The following CRYBG1 variants were observed in gnomAD, a reference collection of about 807,000 sequenced individuals.
The protein encoded by CRYBG1 is beta/gamma crystallin domain-containing protein 1.
CRYBG1 carries 139 observed loss-of-function variants against 189.2 expected under a neutral mutation model. The ratio of observed to expected loss-of-function variants is 0.73; its 90% confidence interval spans 0.64 to 0.85. CRYBG1 has a LOEUF of 0.85. Among genes scored for constraint, CRYBG1 ranks in the 40% least tolerant of loss-of-function variants. CRYBG1 has a pLI of 0.00. For synonymous variants in CRYBG1, 1,023 were observed against 1,017.1 expected (o/e 1.01, Z -0.11); for missense variants, 2,611 against 2,675.8 (o/e 0.98, Z 0.53).
intron 11 of CRYBG1, among the ~76,000 whole-genome samples, chr6:106,544,217 CT>C (rs1774205547): frequency 6.6e-6 from 1 of 152,164 alleles, no homozygotes; most frequent in Non-Finnish European, 1.5e-5. Flanking sequence ...ACTAAAGTTG[CT>C]CTTGTAAATC....
In CRYBG1 at chr6:106,543,481, G is replaced by A; in HGVS notation, c.4923G>A (p.Val1641=). Residue 1641 remains valine (V), a synonymous_variant, in exon 11 of 22, where the codon GTG becomes GTA. Coordinates refer to ENST00000633556, the MANE Select transcript of CRYBG1 (RefSeq NM_001371242.2). The part of the protein sequence containing the change: ...YEKPFFEGKC[V]ELETGMCSFV... ...AGCCTTTCTTTGAAGGAAAATGTGT[G>A]GAACTAGAAACAGGAATGTGTAGTT... 1.2e-6 allele frequency: 2 copies of A among 1,613,926 alleles called. No homozygotes were observed. Among genetic ancestry groups the A allele is most frequent in the East Asian group, 2.2e-5 (1 of 44,882 alleles).
chr6:106,485,786 T>A (rs1293803006), intron 2 of CRYBG1, among the ~76,000 whole-genome samples: 1 of 152,268 alleles, frequency 6.6e-6, no homozygotes, highest in African/African-American at 2.4e-5. Flanking sequence ...GATTTGTGTA[T>A]GTTGAACTAT....
intron 2 of CRYBG1, among the ~76,000 whole-genome samples, chr6:106,485,615 G>A (rs926741658): frequency 2.0e-5 from 3 of 152,090 alleles, no homozygotes; most frequent in African/African-American, 7.2e-5. Flanking sequence ...GTCAACTGTG[G>A]GTTTGTAATA....
At chr6:106,510,096 C>T (rs1773214943) in intron 2 of CRYBG1, among the ~76,000 whole-genome samples, 1 of 152,218 alleles carries the variant, frequency 6.6e-6, no homozygotes, top group South Asian at 2.1e-4. Context: ...GTTCCTTTTC[C>T]AGGAAAGGTG....
chr6:106,505,267 T>G lies in CRYBG1; in HGVS notation c.313-6163T>G, dbSNP rs188202610. ...GTGCCACCACACCCGGCTAATTTTTTGTATTTTTAGTAGAGACGGGGTTTC... is the reference window on the plus strand; with the variant it reads ...GTGCCACCACACCCGGCTAATTTTTGGTATTTTTAGTAGAGACGGGGTTTC... On this transcript the variant is annotated intron_variant, in intron 2 of 21. Coordinates refer to ENST00000633556, the MANE Select transcript of CRYBG1 (RefSeq NM_001371242.2). Among the ~76,000 whole-genome samples, 167 of 152,294 alleles carry G rather than the reference T, an allele frequency of 1.1e-3. 2 individuals carry two copies. The East Asian group carries it at 0.011, about 10-fold the overall frequency.
rs532469143 is a variant in CRYBG1, at chr6:106,510,258, G to C, written c.313-1172G>C. Among the ~76,000 whole-genome samples, 4 of 152,308 alleles carry C rather than the reference G, an allele frequency of 2.6e-5. No homozygotes were observed. In the East Asian group the frequency reaches 5.8e-4, roughly 22 times the overall value. ...CTTCCCTCTCCTAGGAGCCAGGCTG[G>C]GCTCGCCGCCCCTGCTCCCCCGCTT... On this transcript the variant is annotated intron_variant, in intron 2 of 21. Coordinates refer to ENST00000633556, the MANE Select transcript of CRYBG1 (RefSeq NM_001371242.2).
intron 1 of CRYBG1, among the ~76,000 whole-genome samples, chr6:106,422,344 A>ATTTATTTATTTATTTTTTTTTTTTTTTT (rs57640822): frequency 6.4e-5 from 9 of 139,928 alleles, no homozygotes; most frequent in African/African-American, 1.3e-4. Context: ...TTATTTATTT[A>ATTTATTTATTTATTTTTTTTTTTTTTTT]TTTTTGAGAC....
At position 106,558,545 on chromosome 6, in the gene CRYBG1, T is replaced by G; in HGVS notation, c.5775T>G (p.Ile1925Met). ...FEREDFKGKK[I>M]ELNAETVNLR... ...GAGAAGACTTCAAAGGAAAAAAGAT[T>G]GAACTTAATGCAGAAACTGTCAATC... Residue 1925 changes from isoleucine (I) to methionine (M), a missense_variant, in exon 18 of 22, where the codon ATT becomes ATG. Coordinates refer to ENST00000633556, the MANE Select transcript of CRYBG1 (RefSeq NM_001371242.2). 3.7e-6 allele frequency: 6 copies of G among 1,612,286 alleles called. No individual in the cohort carries two copies. Among genetic ancestry groups the G allele is most frequent in the Non-Finnish European group, 5.1e-6 (6 of 1,178,538 alleles).
chr6:106,525,436 A>G (rs1465438688), intron 6 of CRYBG1, 50 bp downstream of exon 6: 1 of 1,438,696 alleles, frequency 7.0e-7, no homozygotes, highest in South Asian at 1.1e-5. Flanking sequence ...AGTTTTACAT[A>G]CTTAATTAAC....
Position 106,451,706 on chromosome 6 carries a change from A to G in CRYBG1, c.186A>G (p.Val62=). Residue 62 remains valine, a synonymous_variant, in exon 2 of 22, where the codon GTA becomes GTG. Transcript: ENST00000633556. ...APAGEARALD[V]VDGKYVVRDS... is the part of the protein sequence containing the mutation. ...CCGTTCTTTGCAGAGCTTTGGATGT[A>G]GTCGATGGAAAATATGTGGTTCGAG... The G allele has an allele frequency of 6.5e-7, 1 of 1,533,558 alleles. No individual in the cohort carries two copies. The highest frequency in any genetic ancestry group is 1.2e-5 in the South Asian group (1 of 83,712). The allele number at this position is 1,533,558 out of a possible 1,614,324, so 95.0% of individuals were successfully genotyped here.
chr6:106,529,621 G>A (rs190220175), intron 7 of CRYBG1, among the ~76,000 whole-genome samples: 42 of 152,282 alleles, frequency 2.8e-4, no homozygotes, highest in Admixed American at 3.9e-4. Context: ...ACAGATATGC[G>A]GGGCATGGAA....
At chr6:106,548,645 C>A (rs1214223975) in intron 13 of CRYBG1, among the ~76,000 whole-genome samples, 1 of 152,104 alleles carries the variant, frequency 6.6e-6, no homozygotes, top group Non-Finnish European at 1.5e-5. Flanking sequence ...GACTCGGAGC[C>A]CTGGTGAGAA....
chr6:106,451,517 A>G, intron 1 of CRYBG1, 177 bp from the exon 2 acceptor site: 1 of 509,670 alleles, frequency 2.0e-6, no homozygotes, highest in South Asian at 4.3e-5. Context: ...AGGTTTATTT[A>G]TAAATGTGCT....
chr6:106,564,570 G>A (rs1774821577), intron 21 of CRYBG1, among the ~76,000 whole-genome samples: 1 of 151,652 alleles, frequency 6.6e-6, no homozygotes, highest in Non-Finnish European at 1.5e-5. Context: ...AATAGACTGT[G>A]GGGCCACATC....
chr6:106,396,491 C>T (rs545361399), intron 1 of CRYBG1, among the ~76,000 whole-genome samples: 1 of 152,258 alleles, frequency 6.6e-6, no homozygotes, highest in Admixed American at 6.5e-5. Flanking sequence ...ATTTCAAGGA[C>T]TCATTTATTC....
Position 106,514,211 on chromosome 6 carries a change from C to T in CRYBG1, c.1922+1172C>T, listed in dbSNP as rs1247627474. ...AAGGTACTCTATGAAACTGATAAGACCCTCCCTTCTCACACTTCTGCTCCC... is the reference window on the plus strand; with the variant it reads ...AAGGTACTCTATGAAACTGATAAGATCCTCCCTTCTCACACTTCTGCTCCC... On this transcript the variant is annotated intron_variant, in intron 3 of 21. Transcript: ENST00000633556. Among the ~76,000 whole-genome samples the T allele has an allele frequency of 3.9e-5, 6 of 152,252 alleles. No individual in the cohort carries two copies. In the South Asian group the frequency reaches 1.2e-3, roughly 32 times the overall value.
intron 1 of CRYBG1, among the ~76,000 whole-genome samples, chr6:106,427,840 C>T (rs74761172): frequency 0.013 from 1,989 of 152,260 alleles, 46 homozygotes; most frequent in African/African-American, 0.045. Context: ...GCATCACCTC[C>T]TGCCTCTGTC....
rs746152072 is a variant in CRYBG1, at chr6:106,527,371, A to G, written c.4479A>G (p.Glu1493=). Residue 1493 remains glutamate, a synonymous_variant, in exon 7 of 22, where the codon GAA becomes GAG. Transcript: ENST00000633556. ...TCCCCTTAGAAGAAGGAGAATTGGA[A>G]CTCTCTGGTCTCTGGGGTATAGAAG... ...HSIPLEEGEL[E]LSGLWGIEDI... 15 of 1,613,552 alleles carry G rather than the reference A, an allele frequency of 9.3e-6. No individual in the cohort carries two copies. The highest frequency in any genetic ancestry group is 4.5e-5 in the East Asian group (2 of 44,840).
At chr6:106,377,647 A>ATATATATATATATATATATATATATT (rs1562290499) in intron 1 of CRYBG1, among the ~76,000 whole-genome samples, 1 of 144,252 alleles carries the variant, frequency 6.9e-6, no homozygotes, top group African/African-American at 2.7e-5. Flanking sequence ...ATATATATAT[A>ATATATATATATATATATATATATATT]TTTTCATTTG....
Sources: gnomAD v4.1 joint callset for allele counts (sites outside exome capture counted in the v4.1 genomes callset) on GRCh38, gnomAD v4.1.1 for gene constraint, MANE v1.5 for transcripts, NCBI Gene and HGNC (gene_info 2026-07-23, HGNC 2026-07-21) for gene names.